The following TBC1D22A variants were observed in gnomAD, a reference collection of about 807,000 sequenced individuals.
TBC1D22A encodes the protein putative GTPase activator.
TBC1D22A carries 38 observed loss-of-function variants against 60.2 expected under a neutral mutation model. That is an observed-to-expected ratio of 0.63 (90% CI 0.49 to 0.83). TBC1D22A has a LOEUF of 0.83. Among genes scored for constraint, TBC1D22A ranks in the 40% least tolerant of loss-of-function variants. The pLI is 0.00. For synonymous variants in TBC1D22A, 302 were observed against 281.7 expected, an observed-to-expected ratio of 1.07 and a Z score of -0.72; for missense variants, 628 against 701.0, an observed-to-expected ratio of 0.90 and a Z score of 1.18.
At chr22:46,953,629 G>A (rs772348908) in intron 8 of TBC1D22A, among the ~76,000 whole-genome samples, 7 of 152,056 alleles carry the variant, frequency 4.6e-5, no homozygotes, top group Admixed American at 4.6e-4. Flanking sequence ...TTTTTACTGG[G>A]TACAGAATCC....
intron 12 of TBC1D22A, among the ~76,000 whole-genome samples, chr22:47,172,005 CA>C (rs1363409024): frequency 1.1e-4 from 10 of 92,592 alleles, no homozygotes; most frequent in African/African-American, 5.9e-4. Context: ...CCGGTGAGCC[CA>C]GTGTGCCTAC....
At chr22:46,965,675 C>A (rs574918618) in intron 8 of TBC1D22A, among the ~76,000 whole-genome samples, 4 of 152,250 alleles carry the variant, frequency 2.6e-5, no homozygotes, top group Non-Finnish European at 5.9e-5. Flanking sequence ...CTAATACACA[C>A]AGGCAGAGCC....
intron 8 of TBC1D22A, among the ~76,000 whole-genome samples, chr22:46,932,720 C>CTTTTTTTTTTTTTTTTTTTTTTTTT (rs67463903): frequency 1.5e-5 from 1 of 66,322 alleles, no homozygotes; most frequent in African/African-American, 6.8e-5. Flanking sequence ...GTCCTTCTTG[C>CTTTTTTTTTTTTTTTTTTTTTTTTT]TTTTTTTTTT....
Position 46,877,437 on chromosome 22 carries a change from C to T in TBC1D22A, c.638-1216C>T, listed in dbSNP as rs140752614. On this transcript the variant is annotated intron_variant, in intron 4 of 12. Transcript: ENST00000337137. The stretch of plus-strand genomic sequence containing the variant: ...CATAATCAGAAAACCAGAGTTATGC[C>T]GAGGGAGAGACACTGGGAACATGGT... 1.7e-3 allele frequency among the ~76,000 whole-genome samples: 263 copies of T among 152,180 alleles called. 1 individual carries two copies. The highest frequency in any genetic ancestry group is 5.9e-3 in the African/African-American group (246 of 41,532).
Position 46,929,563 on chromosome 22 carries a change from G to A in TBC1D22A, c.1015+17375G>A, listed in dbSNP as rs1046553319. Among the ~76,000 whole-genome samples the A allele has an allele frequency of 3.9e-5, 6 of 152,222 alleles. No individual in the cohort carries two copies. In the East Asian group the frequency reaches 5.8e-4, roughly 15 times the overall value. On this transcript the variant is annotated intron_variant, in intron 8 of 12. Transcript: ENST00000337137. ...CGCAAGGCTGCTTCCACATGGGCAC[G>A]AGCTCAAAGATGCTAAGTGACTCAG...
chr22:47,000,145 G>A (rs920135905), intron 10 of TBC1D22A, among the ~76,000 whole-genome samples: 4 of 152,176 alleles, frequency 2.6e-5, no homozygotes, highest in Non-Finnish European at 5.9e-5. Flanking sequence ...GATTAAGAAT[G>A]GAGAGGTTTT....
In TBC1D22A at chr22:47,009,422, TCAC is replaced by T. The variant is rs1028325954; in HGVS notation, c.1201+11719_1201+11721del. 3.3e-5 allele frequency among the ~76,000 whole-genome samples: 5 copies of T among 151,162 alleles called. No homozygotes were observed. Among genetic ancestry groups the T allele is most frequent in the South Asian group, 2.2e-4 (1 of 4,562 alleles). On this transcript the variant is annotated intron_variant, in intron 10 of 12. Transcript: ENST00000337137. The surrounding 1 kb of genome is among the most constrained non-coding windows in gnomAD (Gnocchi z 5.8). ...TTCCATCATCACCATCATTGTGTCA[TCAC>T]CACCATCATCATCACCATCACCATC...
intron 4 of TBC1D22A, among the ~76,000 whole-genome samples, chr22:46,800,473 G>A (rs1316830665): frequency 6.6e-6 from 1 of 152,154 alleles, no homozygotes; most frequent in East Asian, 1.9e-4. Flanking sequence ...TGCCTCCAGG[G>A]TGGTGTGGAG....
At chr22:46,785,990 C>T (rs796403731) in intron 1 of TBC1D22A, among the ~76,000 whole-genome samples, 6 of 152,236 alleles carry the variant, frequency 3.9e-5, no homozygotes, top group African/African-American at 1.4e-4. Context: ...CTTTGTTGCC[C>T]AGACTGGTCT....
At chr22:46,863,533 C>T (rs898417266) in intron 4 of TBC1D22A, among the ~76,000 whole-genome samples, 3 of 152,132 alleles carry the variant, frequency 2.0e-5, no homozygotes, top group African/African-American at 7.2e-5. Flanking sequence ...ATAAGTTGGT[C>T]TATCTGGTAT....
intron 4 of TBC1D22A, among the ~76,000 whole-genome samples, chr22:46,843,742 A>G (rs931446958): frequency 6.6e-6 from 1 of 152,100 alleles, no homozygotes; most frequent in Non-Finnish European, 1.5e-5. Flanking sequence ...ACTGAGATGT[A>G]TGATATCCTA....
chr22:47,076,991 C>G (rs958973055), intron 11 of TBC1D22A, among the ~76,000 whole-genome samples: 3 of 152,268 alleles, frequency 2.0e-5, no homozygotes, highest in Admixed American at 6.5e-5. Flanking sequence ...GGCATCATGC[C>G]TTCTTCACTG....
intron 1 of TBC1D22A, among the ~76,000 whole-genome samples, chr22:46,785,068 C>G (rs1410338748): frequency 6.6e-6 from 1 of 152,222 alleles, no homozygotes; most frequent in Non-Finnish European, 1.5e-5. Context: ...CAGGCTGTAT[C>G]TTTTTCCCAC....
chr22:46,998,556 G>A (rs1439291987), intron 10 of TBC1D22A, among the ~76,000 whole-genome samples: 2 of 152,276 alleles, frequency 1.3e-5, no homozygotes, highest in Non-Finnish European at 2.9e-5. Context: ...CCTGCCCGCT[G>A]AGCGTTGCCG....
rs573249459 is a variant in TBC1D22A at position 46,768,976 on chromosome 22, C to T, written c.62+6128C>T. Among the ~76,000 whole-genome samples the T allele has an allele frequency of 3.7e-3, 562 of 151,910 alleles. 5 individuals carry two copies. Among genetic ancestry groups the T allele is most frequent in the African/African-American group, 0.013 (537 of 41,396 alleles). ...GGACATTGTGGCAGGCATCTATAAT[C>T]CCAGCTACTCAGGAGGCTGAAGCAG... On this transcript the variant is annotated intron_variant, in intron 1 of 12. Transcript: ENST00000337137.
chr22:47,073,731 G>A (rs1017200555), intron 11 of TBC1D22A, among the ~76,000 whole-genome samples: 1 of 152,170 alleles, frequency 6.6e-6, no homozygotes, highest in Admixed American at 6.5e-5. Context: ...ATTTTCTACA[G>A]AAGTCTGCGT....
At chr22:47,169,583 A>T (rs981459806) in intron 12 of TBC1D22A, among the ~76,000 whole-genome samples, 50 of 152,028 alleles carry the variant, frequency 3.3e-4, no homozygotes, top group Admixed American at 4.6e-4. Context: ...AGCCTTTACA[A>T]AGGGCCCTTG....
At chr22:47,112,972 G>A (rs2065904902) in intron 12 of TBC1D22A, among the ~76,000 whole-genome samples, 1 of 152,196 alleles carries the variant, frequency 6.6e-6, no homozygotes, top group Admixed American at 6.5e-5. Flanking sequence ...ATGACTTGCT[G>A]TGTCACCAAG....
At chr22:47,017,305 A>G (rs1044873270) in intron 10 of TBC1D22A, among the ~76,000 whole-genome samples, 4 of 152,188 alleles carry the variant, frequency 2.6e-5, no homozygotes, top group Non-Finnish European at 5.9e-5. Context: ...GCAGGGAGAT[A>G]GGAGAAGACA....
Sources: gnomAD v4.1 joint callset for allele counts (sites outside exome capture counted in the v4.1 genomes callset) on GRCh38, gnomAD v4.1.1 for gene constraint, Gnocchi (gnomAD v3.1) non-coding constraint, MANE v1.5 for transcripts, NCBI Gene and HGNC (gene_info 2026-07-23, HGNC 2026-07-21) for gene names.